The following FOXJ3 variants were observed in gnomAD, a reference collection of about 807,000 sequenced individuals.
FOXJ3 encodes forkhead box J3.
In FOXJ3, 22 loss-of-function variants were observed where a neutral mutation model predicts 76.1. The ratio of observed to expected loss-of-function variants is 0.29; its 90% CI spans 0.21 to 0.41. FOXJ3 has a LOEUF of 0.41. Ranked by LOEUF, FOXJ3 falls within the 10% of genes least tolerant of loss-of-function variation. FOXJ3 has a pLI of 1.00. For missense variants in FOXJ3, 613 were observed against 762.1 expected (o/e 0.80, Z 2.30); for synonymous variants, 269 against 261.2 (o/e 1.03, Z -0.29).
At chr1:42,293,665 T>C (rs1363333958) in intron 2 of FOXJ3, among the ~76,000 whole-genome samples, 2 of 152,226 alleles carry the variant, frequency 1.3e-5, no homozygotes, top group African/African-American at 4.8e-5. Flanking sequence ...CTTAGTTTTC[T>C]ATTTCTTGAA....
At chr1:42,193,415 T>A (rs926611180) in intron 8 of FOXJ3, among the ~76,000 whole-genome samples, 2 of 151,324 alleles carry the variant, frequency 1.3e-5, no homozygotes, top group Non-Finnish European at 2.9e-5. Flanking sequence ...TTTTTTTTTT[T>A]AATAGTGTGA....
chr1:42,227,083 G>A (rs1368801837), intron 5 of FOXJ3, among the ~76,000 whole-genome samples: 8 of 152,166 alleles, frequency 5.3e-5, no homozygotes, highest in Admixed American at 2.6e-4. Flanking sequence ...CAGTAGAGGA[G>A]ACAAATATAA....
chr1:42,316,159 G>C (rs1207858662), intron 1 of FOXJ3, among the ~76,000 whole-genome samples: 1 of 151,908 alleles, frequency 6.6e-6, no homozygotes, highest in Non-Finnish European at 1.5e-5. Flanking sequence ...TTTTGAAAAA[G>C]CTCTGAATAA....
At chr1:42,293,287 A>AC (rs1175393841) in intron 2 of FOXJ3, among the ~76,000 whole-genome samples, 1 of 151,860 alleles carries the variant, frequency 6.6e-6, no homozygotes, top group Admixed American at 6.6e-5. Context: ...TCTAACAAAA[A>AC]AAAAACTTGT....
chr1:42,284,197 A>G (rs1373638608), intron 2 of FOXJ3, among the ~76,000 whole-genome samples: 1 of 152,180 alleles, frequency 6.6e-6, no homozygotes, highest in Admixed American at 6.5e-5. Flanking sequence ...TGGTGATACA[A>G]GTAACATAAC....
chr1:42,313,736 C>T (rs1363553969), intron 1 of FOXJ3, among the ~76,000 whole-genome samples: 4 of 152,096 alleles, frequency 2.6e-5, no homozygotes, highest in Non-Finnish European at 4.4e-5. Flanking sequence ...GGGAACCTGG[C>T]GCTAAACCAC....
intron 11 of FOXJ3, among the ~76,000 whole-genome samples, chr1:42,185,252 A>ATTTTTTTTTT (rs36007346): frequency 2.8e-5 from 3 of 108,288 alleles, no homozygotes; most frequent in African/African-American, 4.1e-5. Flanking sequence ...AACATACTGA[A>ATTTTTTTTTT]TTTTTTTTTT....
intron 2 of FOXJ3, among the ~76,000 whole-genome samples, chr1:42,294,584 C>T (rs548809030): frequency 6.6e-6 from 1 of 151,994 alleles, no homozygotes; most frequent in Non-Finnish European, 1.5e-5. Context: ...CATGGCGAAA[C>T]CCCATCTCTA....
intron 3 of FOXJ3, among the ~76,000 whole-genome samples, chr1:42,269,011 G>A (rs927076802): frequency 6.6e-6 from 1 of 152,068 alleles, no homozygotes; most frequent in Non-Finnish European, 1.5e-5. Flanking sequence ...TCTTGATTTT[G>A]GAATTCCCAG....
chr1:42,318,507 A>G (rs2124771294), intron 1 of FOXJ3, among the ~76,000 whole-genome samples: 1 of 152,154 alleles, frequency 6.6e-6, no homozygotes, highest in Admixed American at 6.5e-5. Context: ...ATGTCTGGCT[A>G]ATTTTTTTTG....
chr1:42,300,005 T>A (rs992920679), intron 2 of FOXJ3, among the ~76,000 whole-genome samples: 1 of 151,824 alleles, frequency 6.6e-6, no homozygotes, highest in African/African-American at 2.4e-5. Flanking sequence ...GTTTGAGACC[T>A]GCCTGGCCAA....
At chr1:42,242,509 G>A (rs1005380051) in intron 4 of FOXJ3, among the ~76,000 whole-genome samples, 1 of 149,642 alleles carries the variant, frequency 6.7e-6, no homozygotes, top group African/African-American at 2.5e-5. Context: ...ACTAGATCAA[G>A]CAGAAAGAAG....
At chr1:42,275,725 T>C (rs1009553578) in intron 3 of FOXJ3, among the ~76,000 whole-genome samples, 5 of 152,146 alleles carry the variant, frequency 3.3e-5, no homozygotes, top group Admixed American at 2.0e-4. Context: ...ATTTGTTGTA[T>C]AACATAAATT....
At chr1:42,183,357 G>A (rs1251832169) in intron 11 of FOXJ3, among the ~76,000 whole-genome samples, 3 of 63,556 alleles carry the variant, frequency 4.7e-5, no homozygotes, top group Non-Finnish European at 9.2e-5. Flanking sequence ...GGAGGGGAGG[G>A]GAGGGGAGTA....
In FOXJ3 at chr1:42,177,519, T is replaced by C. The variant is rs942708054; in HGVS notation, c.*2191A>G. The C allele has an allele frequency of 6.6e-6, 1 of 152,526 alleles. No individual in the cohort carries two copies. The highest frequency in any genetic ancestry group is 1.5e-5 in the Non-Finnish European group (1 of 68,024). 9.4% of individuals were successfully genotyped at this position (152,526 alleles called of 1,614,324 possible). A position where few individuals can be genotyped will look rare whatever the true frequency, so the allele number is the denominator to read the frequency against. On this transcript the variant is annotated 3_prime_UTR_variant, in exon 13 of 13. Transcript: ENST00000361346. Reference sequence around the variant, plus strand: ...AAATCACCCCTCTTTTTTCAAGCATTTACTCTGCAGGCTGCCATCTCATCT... The same window carrying C: ...AAATCACCCCTCTTTTTTCAAGCATCTACTCTGCAGGCTGCCATCTCATCT...
chr1:42,285,981 C>A (rs1167865325), intron 2 of FOXJ3, among the ~76,000 whole-genome samples: 1 of 152,118 alleles, frequency 6.6e-6, no homozygotes, highest in Admixed American at 6.5e-5. Flanking sequence ...ATCCAGAGAT[C>A]TTATATTTTC....
intron 5 of FOXJ3, among the ~76,000 whole-genome samples, chr1:42,210,788 A>G (rs947061104): frequency 3.9e-5 from 6 of 152,118 alleles, no homozygotes; most frequent in African/African-American, 1.4e-4. Flanking sequence ...CTGGGAGACT[A>G]GAGGACAGGT....
Position 42,191,394 on chromosome 1 carries a change from T to G in FOXJ3, c.1260A>C (p.Pro420=), listed in dbSNP as rs772190814. Residue 420 remains proline, a synonymous_variant, in exon 9 of 13, where the codon CCA becomes CCC. Coordinates refer to ENST00000361346, the MANE Select transcript of FOXJ3 (RefSeq NM_014947.5). The part of the protein sequence containing the change: ...LQSPHPQHPS[P]HQHIQHHPNH... ...TCGGATGGTGCTGTATGTGTTGATGTGGAGAGGGATGCTGGGGGTGAGGGG... is the reference window on the plus strand; with the variant it reads ...TCGGATGGTGCTGTATGTGTTGATGGGGAGAGGGATGCTGGGGGTGAGGGG... 6.2e-7 allele frequency: 1 copy of G among 1,606,872 alleles called. No individual in the cohort carries two copies. Among genetic ancestry groups the G allele is most frequent in the South Asian group, 1.1e-5 (1 of 90,496 alleles).
intron 2 of FOXJ3, among the ~76,000 whole-genome samples, chr1:42,309,829 G>C (rs908165474): frequency 8.5e-5 from 13 of 152,198 alleles, no homozygotes; most frequent in Non-Finnish European, 1.6e-4. Context: ...CCAGTGTGAA[G>C]GTAGAACATG....
Sources: gnomAD v4.1 joint callset for allele counts (sites outside exome capture counted in the v4.1 genomes callset) on GRCh38, gnomAD v4.1.1 for gene constraint, MANE v1.5 for transcripts, NCBI Gene and HGNC (gene_info 2026-07-23, HGNC 2026-07-21) for gene names.